RIMS1: variants seen among roughly 807,000 people sequenced by gnomAD.
RIMS1 encodes the protein regulating synaptic membrane exocytosis protein 1.
In RIMS1, 83 loss-of-function variants were observed where a neutral mutation model predicts 214.1. That is an observed-to-expected ratio of 0.39 (90% CI 0.32 to 0.47). RIMS1 has a LOEUF of 0.47. RIMS1 is among the 20% of genes least tolerant of loss of function. RIMS1 has a pLI of 0.99. For missense variants in RIMS1, 2,050 were observed against 2,161.8 expected (o/e 0.95, Z 1.03); for synonymous variants, 793 against 786.8 (o/e 1.01, Z -0.13).
At chr6:72,191,463 CA>C (rs1318158055) in intron 6 of RIMS1, among the ~76,000 whole-genome samples, 1 of 152,210 alleles carries the variant, frequency 6.6e-6, no homozygotes, top group Non-Finnish European at 1.5e-5. Flanking sequence ...ACTTCATGCT[CA>C]CAGGATCCAA....
chr6:71,920,607 A>G (rs1022880324), intron 1 of RIMS1, among the ~76,000 whole-genome samples: 1 of 152,182 alleles, frequency 6.6e-6, no homozygotes, highest in Admixed American at 6.5e-5. Context: ...ATGAGAATTA[A>G]CTCATTCCAT....
chr6:72,053,167 C>G (rs1212812139), intron 2 of RIMS1, among the ~76,000 whole-genome samples: 1 of 152,142 alleles, frequency 6.6e-6, no homozygotes, highest in Non-Finnish European at 1.5e-5. Flanking sequence ...TAAAGTGTCC[C>G]CAGTCCCTAT....
intron 1 of RIMS1, among the ~76,000 whole-genome samples, chr6:71,894,735 A>G (rs959336357): frequency 2.0e-5 from 3 of 152,192 alleles, no homozygotes; most frequent in Non-Finnish European, 2.9e-5. Flanking sequence ...AATGTTACAG[A>G]AAGTAATTGC....
At chr6:72,048,403 T>G (rs1823663263) in intron 2 of RIMS1, among the ~76,000 whole-genome samples, 1 of 152,204 alleles carries the variant, frequency 6.6e-6, no homozygotes, top group Non-Finnish European at 1.5e-5. Flanking sequence ...TCCTGAGTCC[T>G]GAGCCAAAAG....
At chr6:71,921,249 T>G (rs547988321) in intron 1 of RIMS1, among the ~76,000 whole-genome samples, 1 of 152,112 alleles carries the variant, frequency 6.6e-6, no homozygotes, top group Non-Finnish European at 1.5e-5. Context: ...GCCTCCTGAG[T>G]AGCTGGGATT....
At chr6:72,261,198 T>C in intron 19 of RIMS1, 1 of 1,015,502 alleles carries the variant, frequency 9.8e-7, no homozygotes, top group Non-Finnish European at 1.2e-6. Context: ...AATTTCCTTT[T>C]AGAATTTATT....
chr6:72,228,060 T>C (rs1264556195), intron 6 of RIMS1, among the ~76,000 whole-genome samples: 1 of 151,906 alleles, frequency 6.6e-6, no homozygotes, highest in African/African-American at 2.4e-5. Context: ...TGGAGAGAAA[T>C]ATACACTCAT....
intron 2 of RIMS1, among the ~76,000 whole-genome samples, chr6:71,983,190 C>CCTCT (rs1798928876): frequency 6.6e-6 from 1 of 151,232 alleles, no homozygotes; most frequent in Non-Finnish European, 1.5e-5. Flanking sequence ...ACATTATGTT[C>CCTCT]TATTTGTGTG....
chr6:72,154,898 A>T (rs1333753866), intron 4 of RIMS1, among the ~76,000 whole-genome samples: 1 of 140,296 alleles, frequency 7.1e-6, no homozygotes, highest in Non-Finnish European at 1.6e-5. Context: ...CACCCAGATT[A>T]CTGAGATAAT....
chr6:71,982,156 T>C (rs903494053), intron 2 of RIMS1, among the ~76,000 whole-genome samples: 2 of 152,166 alleles, frequency 1.3e-5, no homozygotes, highest in Non-Finnish European at 2.9e-5. Flanking sequence ...TTCCATGCAA[T>C]TCCAGGGAGC....
At chr6:72,171,885 C>T (rs2047084007) in intron 4 of RIMS1, among the ~76,000 whole-genome samples, 1 of 151,966 alleles carries the variant, frequency 6.6e-6, no homozygotes, top group African/African-American at 2.4e-5. Context: ...AAATGTTCAA[C>T]CATATAAATA....
intron 6 of RIMS1, among the ~76,000 whole-genome samples, chr6:72,204,117 T>A (rs2052504061): frequency 6.6e-6 from 1 of 152,176 alleles, no homozygotes; most frequent in Non-Finnish European, 1.5e-5. Context: ...GAATTCTGCC[T>A]GGGATAGCTC....
At chr6:72,383,908 A>G (rs1159087974) in intron 29 of RIMS1, among the ~76,000 whole-genome samples, 1 of 152,192 alleles carries the variant, frequency 6.6e-6, no homozygotes, top group African/African-American at 2.4e-5. Flanking sequence ...AGAATAACCA[A>G]AAAGGTTATA....
chr6:72,201,921 C>G (rs76403279), intron 6 of RIMS1, among the ~76,000 whole-genome samples: 1,703 of 152,268 alleles, frequency 0.011, 10 homozygotes, highest in Non-Finnish European at 0.017. Context: ...AAGCTGGATC[C>G]CTAGATACTG....
In RIMS1 at chr6:72,250,665, TA is replaced by T. The variant is rs138161150; in HGVS notation, c.2372+206del. 2.6e-5 allele frequency among the ~76,000 whole-genome samples: 4 copies of T among 152,274 alleles called. No individual in the cohort carries two copies. In the East Asian group the frequency reaches 7.7e-4, roughly 29 times the overall value. ...TAATCTGTCAATTAAAAAAATCTAT[TA>T]CCTTGTTTATAGGTATATTAGTCTT... On this transcript the variant is annotated intron_variant, in intron 13 of 33. Coordinates refer to ENST00000521978, the MANE Select transcript of RIMS1 (RefSeq NM_014989.7).
chr6:72,396,776 G>A (rs1332983132), intron 31 of RIMS1, among the ~76,000 whole-genome samples: 1 of 152,130 alleles, frequency 6.6e-6, no homozygotes, highest in Admixed American at 6.5e-5. Context: ...ACTTTGGGAG[G>A]CCAAGGCAGG....
At chr6:72,297,135 T>C (rs1329208386) in intron 26 of RIMS1, among the ~76,000 whole-genome samples, 1 of 151,984 alleles carries the variant, frequency 6.6e-6, no homozygotes, top group Non-Finnish European at 1.5e-5. Flanking sequence ...GTGTCTGATA[T>C]ATTAGGCAAT....
At chr6:71,916,570 A>G (rs1157583827) in intron 1 of RIMS1, among the ~76,000 whole-genome samples, 1 of 152,144 alleles carries the variant, frequency 6.6e-6, no homozygotes, top group African/African-American at 2.4e-5. Flanking sequence ...TTTTAAAATT[A>G]CCCTTATAAA....
chr6:72,154,483 G>A lies in RIMS1; in HGVS notation c.472-25092G>A, dbSNP rs114044954. Reference sequence around the variant, plus strand: ...AAGACTAATGTAAAGGCAAAAATACGTCAAAACATAATATGAGAAGTTAAC... The same window carrying A: ...AAGACTAATGTAAAGGCAAAAATACATCAAAACATAATATGAGAAGTTAAC... On this transcript the variant is annotated intron_variant, in intron 4 of 33. Coordinates refer to ENST00000521978, the MANE Select transcript of RIMS1 (RefSeq NM_014989.7). Among the ~76,000 whole-genome samples the A allele has an allele frequency of 1.9e-3, 261 of 140,710 alleles. 19 individuals are homozygous for A. The highest frequency in any genetic ancestry group is 6.3e-3 in the African/African-American group (255 of 40,758). 92.3% of individuals were successfully genotyped at this position (140,710 alleles called of 152,430 possible). A position where few individuals can be genotyped will look rare whatever the true frequency, so the allele number is the denominator to read the frequency against.
Sources: allele counts gnomAD v4.1 joint callset (sites outside exome capture counted in the v4.1 genomes callset), GRCh38; gene constraint gnomAD v4.1.1; transcripts MANE v1.5; gene names NCBI Gene and HGNC (gene_info 2026-07-23, HGNC 2026-07-21).